Variants in ADAMTS12 observed in about 807,000 individuals in gnomAD.
ADAMTS12 encodes A disintegrin and metalloproteinase with thrombospondin motifs 12.
A neutral mutation model predicts 167.8 loss-of-function variants in ADAMTS12; 118 were observed. The ratio of observed to expected loss-of-function variants is 0.70; its 90% CI spans 0.61 to 0.82. The LOEUF (loss-of-function observed/expected upper bound fraction) is 0.82. ADAMTS12 is among the 40% of genes least tolerant of loss of function. The pLI, the probability that ADAMTS12 is intolerant of heterozygous loss-of-function variation, is 0.00. For missense variants in ADAMTS12, 1,916 were observed against 1,998.8 expected (o/e 0.96, Z 0.79); for synonymous variants, 704 against 716.9 (o/e 0.98, Z 0.29).
At chr5:33,881,963 A>G (rs1335433489) in intron 1 of ADAMTS12, among the ~76,000 whole-genome samples, 1 of 152,126 alleles carries the variant, frequency 6.6e-6, no homozygotes, top group Admixed American at 6.5e-5. Context: ...AAACTCCCAG[A>G]ACAACTCAAA....
At chr5:33,852,998 C>T (rs1749275755) in intron 2 of ADAMTS12, among the ~76,000 whole-genome samples, 1 of 152,160 alleles carries the variant, frequency 6.6e-6, no homozygotes, top group African/African-American at 2.4e-5. Flanking sequence ...CCCTCAGGAG[C>T]AGGGGCCATG....
At chr5:33,816,653 A>C (rs1214994585) in intron 2 of ADAMTS12, among the ~76,000 whole-genome samples, 2 of 152,204 alleles carry the variant, frequency 1.3e-5, no homozygotes, top group African/African-American at 4.8e-5. Context: ...TTGAGGTTAC[A>C]AAAAGTGAAG....
chr5:33,597,996 C>T (rs143642202), intron 16 of ADAMTS12, among the ~76,000 whole-genome samples: 50 of 152,270 alleles, frequency 3.3e-4, no homozygotes, highest in Admixed American at 1.4e-3. Flanking sequence ...CTTAGTGTCC[C>T]TGTCTCCAGA....
intron 3 of ADAMTS12, among the ~76,000 whole-genome samples, chr5:33,747,111 T>G (rs894641199): frequency 6.6e-6 from 1 of 152,182 alleles, no homozygotes; most frequent in Non-Finnish European, 1.5e-5. Context: ...CTGCTCCCTA[T>G]TTTTGCTCCG....
chr5:33,590,331 G>A (rs908306969), intron 17 of ADAMTS12, among the ~76,000 whole-genome samples: 1 of 152,192 alleles, frequency 6.6e-6, no homozygotes, highest in African/African-American at 2.4e-5. Context: ...TAGTCTGAAT[G>A]TGTTCCCCAA....
At chr5:33,648,159 G>T (rs1365499398) in intron 9 of ADAMTS12, among the ~76,000 whole-genome samples, 1 of 152,216 alleles carries the variant, frequency 6.6e-6, no homozygotes, top group Non-Finnish European at 1.5e-5. Context: ...GCCTCAAAAG[G>T]AGGTGGAACT....
intron 3 of ADAMTS12, among the ~76,000 whole-genome samples, chr5:33,697,451 C>A (rs1182870565): frequency 6.6e-6 from 1 of 152,194 alleles, no homozygotes; most frequent in Admixed American, 6.5e-5. Context: ...AGCAACTTTA[C>A]TGCCATTAAG....
intron 21 of ADAMTS12, among the ~76,000 whole-genome samples, chr5:33,546,680 T>C (rs192873009): frequency 1.8e-3 from 269 of 152,342 alleles, no homozygotes; most frequent in African/African-American, 6.2e-3. Flanking sequence ...GCATTGGCTG[T>C]TAACACTCAC....
At chr5:33,777,723 G>A (rs112038259) in intron 2 of ADAMTS12, among the ~76,000 whole-genome samples, 24 of 152,126 alleles carry the variant, frequency 1.6e-4, no homozygotes, top group African/African-American at 5.5e-4. Context: ...AATTGTAAAG[G>A]AAGCAGTAAA....
chr5:33,797,214 T>G (rs1746808797), intron 2 of ADAMTS12, among the ~76,000 whole-genome samples: 1 of 152,202 alleles, frequency 6.6e-6, no homozygotes. Flanking sequence ...GAATTTAGAC[T>G]TCACTTTTAC....
intron 18 of ADAMTS12, 126 bp downstream of exon 18, chr5:33,588,472 CA>C (rs1297810225): frequency 1.8e-6 from 2 of 1,098,242 alleles, no homozygotes; most frequent in Non-Finnish European, 2.8e-6. Flanking sequence ...GGAGACAGGC[CA>C]GGGGTGATGA....
rs889095709 is a variant in ADAMTS12, at chr5:33,862,896, A to G, written c.489+18223T>C. 7.9e-5 allele frequency among the ~76,000 whole-genome samples: 12 copies of G among 152,220 alleles called. No homozygotes were observed. In the East Asian group the frequency reaches 1.5e-3, roughly 20 times the overall value. ...ATGCAAGGCTGGTTTAACATATGCA[A>G]TCAATAAATATAATCCATCACATAA... On this transcript the variant is annotated intron_variant, in intron 2 of 23. Coordinates refer to ENST00000504830, the MANE Select transcript of ADAMTS12 (RefSeq NM_030955.4).
chr5:33,576,772 C>T lies in ADAMTS12; in HGVS notation c.3254G>A (p.Gly1085Glu), dbSNP rs1306334136. The T allele has an allele frequency of 1.2e-6, 2 of 1,614,180 alleles. No homozygotes were observed. Among genetic ancestry groups the T allele is most frequent in the Non-Finnish European group, 1.7e-6 (2 of 1,180,034 alleles). ...ELSSRYLIST[G>E]STSQPILTSQ... ...AGTGAGGATGGGCTGGGAAGTGCTT[C>T]CAGTGGAAATGAGATAGCGAGAGCT... Residue 1085 changes from glycine (G) to glutamate (E), a missense_variant, in exon 19 of 24, where the codon GGA becomes GAA. Physicochemically the swap from Gly to Glu is moderately conservative, Grantham distance 98 (BLOSUM62 -2). Transcript: ENST00000504830.
At chr5:33,789,937 G>A (rs927326042) in intron 2 of ADAMTS12, among the ~76,000 whole-genome samples, 2 of 69,668 alleles carry the variant, frequency 2.9e-5, no homozygotes, top group East Asian at 3.7e-4. Flanking sequence ...AAGCAAATCC[G>A]CTATCTCATG....
rs1161073629 is a variant in ADAMTS12 at position 33,836,273 on chromosome 5, T to C, written c.489+44846A>G. ...GCCTGAAGGAGGGGGCCGGGCCAAT[T>C]TGGAATGACTTGAAAGGTCCCAGGC... On this transcript the variant is annotated intron_variant, in intron 2 of 23. Coordinates refer to ENST00000504830, the MANE Select transcript of ADAMTS12 (RefSeq NM_030955.4). Among the ~76,000 whole-genome samples, 3 of 151,972 alleles carry C rather than the reference T, an allele frequency of 2.0e-5. No homozygotes were observed. The South Asian group carries it at 6.2e-4, about 32-fold the overall frequency.
chr5:33,721,803 T>C (rs1184751209), intron 3 of ADAMTS12, among the ~76,000 whole-genome samples: 1 of 152,170 alleles, frequency 6.6e-6, no homozygotes, highest in African/African-American at 2.4e-5. Context: ...AAGGATAAGT[T>C]TTTGCTGAGA....
At chr5:33,660,795 A>T (rs553952221) in intron 6 of ADAMTS12, among the ~76,000 whole-genome samples, 28 of 152,324 alleles carry the variant, frequency 1.8e-4, no homozygotes, top group African/African-American at 6.7e-4. Flanking sequence ...TAATGTACCT[A>T]CTGTCACAGG....
At chr5:33,651,794 C>T (rs568277759) in intron 7 of ADAMTS12, among the ~76,000 whole-genome samples, 3 of 152,218 alleles carry the variant, frequency 2.0e-5, no homozygotes, top group African/African-American at 7.2e-5. Context: ...CATTCTCCTC[C>T]CACTCTCCCC....
intron 19 of ADAMTS12, among the ~76,000 whole-genome samples, chr5:33,569,604 A>C (rs1746205053): frequency 6.6e-6 from 1 of 152,220 alleles, no homozygotes; most frequent in South Asian, 2.1e-4. Context: ...GTACATCACC[A>C]TCATCAAAGA....
Sources: gnomAD v4.1 joint callset for allele counts (sites outside exome capture counted in the v4.1 genomes callset) on GRCh38, gnomAD v4.1.1 for gene constraint, MANE v1.5 for transcripts, NCBI Gene and HGNC (gene_info 2026-07-23, HGNC 2026-07-21) for gene names.